The following ASIC5 variants were observed in gnomAD, a reference collection of about 807,000 sequenced individuals.
ASIC5 encodes the protein bile acid-sensitive ion channel.
In ASIC5, 52 loss-of-function variants were observed where a neutral mutation model predicts 51.2. That is an observed-to-expected ratio of 1.02 (90% CI 0.81 to 1.28). The LOEUF (loss-of-function observed/expected upper bound fraction) is 1.28, where lower values mean the gene tolerates loss of function less well. Ranked by LOEUF, ASIC5 falls within the 50% of genes most tolerant of loss-of-function variation. The pLI is 0.00. For missense variants in ASIC5, 635 were observed against 595.0 expected, an observed-to-expected ratio of 1.07 and a Z score of -0.70; for synonymous variants, 231 against 200.7, an observed-to-expected ratio of 1.15 and a Z score of -1.28.
chr4:155,859,846 A>C (rs1220866353), intron 2 of ASIC5, among the ~76,000 whole-genome samples: 1 of 152,028 alleles, frequency 6.6e-6, no homozygotes, highest in East Asian at 1.9e-4. Flanking sequence ...GGTGTGTAAC[A>C]ACCTCAGGGC....
At chr4:155,857,605 A>G (rs1741579224) in intron 2 of ASIC5, among the ~76,000 whole-genome samples, 1 of 152,092 alleles carries the variant, frequency 6.6e-6, no homozygotes, top group Non-Finnish European at 1.5e-5. Context: ...GTTATTAGAT[A>G]TGTCTTTCTT....
chr4:155,839,342 T>C (rs540689624), intron 6 of ASIC5, among the ~76,000 whole-genome samples: 1 of 74,208 alleles, frequency 1.3e-5, no homozygotes, highest in African/African-American at 4.7e-5. Context: ...GCTCCCTCTA[T>C]CCATTTACAC....
At chr4:155,859,771 T>G (rs1741647040) in intron 2 of ASIC5, among the ~76,000 whole-genome samples, 1 of 152,064 alleles carries the variant, frequency 6.6e-6, no homozygotes, top group African/African-American at 2.4e-5. Context: ...ACAATGGTTC[T>G]TCTCCCATAT....
intron 2 of ASIC5, among the ~76,000 whole-genome samples, chr4:155,861,021 TAGGTGTGC>T (rs1466863265): frequency 6.6e-6 from 1 of 151,968 alleles, no homozygotes; most frequent in African/African-American, 2.4e-5. Flanking sequence ...CTTTGTTATT[TAGGTGTGC>T]ATTGTTTAAT....
At chr4:155,862,245 C>G (rs192341426) in intron 2 of ASIC5, among the ~76,000 whole-genome samples, 2 of 152,040 alleles carry the variant, frequency 1.3e-5, no homozygotes, top group East Asian at 3.9e-4. Flanking sequence ...CTGTTAGGAC[C>G]CTTGATACAT....
At chr4:155,850,112 T>C (rs573314124) in intron 4 of ASIC5, among the ~76,000 whole-genome samples, 1 of 152,014 alleles carries the variant, frequency 6.6e-6, no homozygotes, top group East Asian at 2.0e-4. Context: ...CCTAAAGATT[T>C]TTTTTTTAAA....
chr4:155,864,914 C>G (rs989475231), intron 1 of ASIC5: 18 of 151,960 alleles, frequency 1.2e-4, no homozygotes, highest in African/African-American at 4.3e-4. Flanking sequence ...GGTGAATTAA[C>G]TTTTATATCC....
intron 2 of ASIC5, among the ~76,000 whole-genome samples, 166 bp downstream of exon 2, chr4:155,863,282 C>A (rs555862717): frequency 1.3e-5 from 2 of 152,228 alleles, no homozygotes; most frequent in South Asian, 2.1e-4. Context: ...TTAATGAATT[C>A]TTTGCTCCCT....
intron 2 of ASIC5, among the ~76,000 whole-genome samples, chr4:155,861,498 T>C (rs1741704290): frequency 6.6e-6 from 1 of 152,010 alleles, no homozygotes; most frequent in African/African-American, 2.4e-5. Flanking sequence ...ATATCTACTC[T>C]AGCTTTCTGA....
chr4:155,843,803 C>G lies in ASIC5; in HGVS notation c.739G>C (p.Gly247Arg). ...AAGATGATCCCAGCATCAACGAAAC[C>G]AAGGGCTGGGTTATCAGTGAATGCC... ...QEAFTDNPAL[G>R]FVDAGIIFVI... Residue 247 changes from glycine to arginine, a missense_variant, in exon 5 of 10, where the codon GGT becomes CGT. Coordinates refer to ENST00000537611, the MANE Select transcript of ASIC5 (RefSeq NM_017419.3). 6.2e-7 allele frequency: 1 copy of G among 1,613,534 alleles called. No individual in the cohort carries two copies. The highest frequency in any genetic ancestry group is 1.1e-5 in the South Asian group (1 of 91,062).
intron 6 of ASIC5, among the ~76,000 whole-genome samples, chr4:155,841,689 T>C (rs966285140): frequency 2.0e-5 from 3 of 152,162 alleles, no homozygotes; most frequent in Non-Finnish European, 4.4e-5. Flanking sequence ...TAATTTTTCT[T>C]TCAAAATTAA....
chr4:155,840,620 G>T lies in ASIC5; in HGVS notation c.1009+1587C>A, dbSNP rs558944669. On this transcript the variant is annotated intron_variant, in intron 6 of 9. Transcript: ENST00000537611. Reference sequence around the variant, plus strand: ...TTGGGCGTTCGCTGAACTAACTTTGGGAGGAACTTAGTTTATGGTTTAGCT... The same window carrying T: ...TTGGGCGTTCGCTGAACTAACTTTGTGAGGAACTTAGTTTATGGTTTAGCT... Among the ~76,000 whole-genome samples the T allele has an allele frequency of 2.6e-5, 4 of 151,404 alleles. No homozygotes were observed. In the South Asian group the frequency reaches 8.4e-4, roughly 32 times the overall value.
At chr4:155,844,779 G>T (rs150341070) in intron 4 of ASIC5, among the ~76,000 whole-genome samples, 41 of 152,118 alleles carry the variant, frequency 2.7e-4, no homozygotes, top group African/African-American at 9.9e-4. Flanking sequence ...GGGGTGTCTG[G>T]GAGGAATGCT....
At chr4:155,854,503 A>G (rs1741477393) in intron 2 of ASIC5, among the ~76,000 whole-genome samples, 189 bp from the exon 3 acceptor site, 2 of 152,076 alleles carry the variant, frequency 1.3e-5, no homozygotes, top group Admixed American at 1.3e-4. Context: ...TTGTATTTGC[A>G]CATGTAGTTT....
intron 4 of ASIC5, among the ~76,000 whole-genome samples, chr4:155,850,866 G>A (rs1325629020): frequency 6.6e-6 from 1 of 151,960 alleles, no homozygotes; most frequent in Non-Finnish European, 1.5e-5. Flanking sequence ...AAATTTAAGA[G>A]TAAACTTCTG....
At chr4:155,832,972 C>T (rs1379898741) in intron 8 of ASIC5, among the ~76,000 whole-genome samples, 1 of 152,136 alleles carries the variant, frequency 6.6e-6, no homozygotes, top group Non-Finnish European at 1.5e-5. Context: ...CTGACTCTGG[C>T]TTCCCCACAC....
At chr4:155,852,064 C>T (rs1741393309) in intron 4 of ASIC5, 127 bp downstream of exon 4, 1 of 1,147,234 alleles carries the variant, frequency 8.7e-7, no homozygotes, top group Non-Finnish European at 1.2e-6. Flanking sequence ...GGAGTCTAGA[C>T]TAAATTAACA....
intron 4 of ASIC5, among the ~76,000 whole-genome samples, chr4:155,850,605 G>A (rs1225892105): frequency 6.6e-6 from 1 of 151,926 alleles, no homozygotes; most frequent in Non-Finnish European, 1.5e-5. Context: ...ATAGGTGCAG[G>A]TAAGTATTTA....
intron 4 of ASIC5, among the ~76,000 whole-genome samples, chr4:155,846,732 G>A (rs1009758951): frequency 6.6e-6 from 1 of 152,028 alleles, no homozygotes; most frequent in South Asian, 2.1e-4. Context: ...AGTTAGGTAA[G>A]GGATAAATAC....
Sources: allele counts gnomAD v4.1 joint callset (sites outside exome capture counted in the v4.1 genomes callset), GRCh38; gene constraint gnomAD v4.1.1; transcripts MANE v1.5; gene names NCBI Gene and HGNC (gene_info 2026-07-23, HGNC 2026-07-21).